The following C3orf70 variants were observed in gnomAD, a reference collection of about 807,000 sequenced individuals.
C3orf70 encodes the protein UPF0524 protein C3orf70.
A neutral mutation model predicts 20.7 loss-of-function variants in C3orf70; 15 were observed. The ratio of observed to expected loss-of-function variants is 0.72; its 90% CI spans 0.48 to 1.11. C3orf70 has a LOEUF of 1.11. C3orf70 is among the 50% of genes most tolerant of loss of function. The pLI is 0.00. For missense variants in C3orf70, 332 were observed against 317.6 expected, an observed-to-expected ratio of 1.05 and a Z score of -0.34; for synonymous variants, 161 against 125.7, an observed-to-expected ratio of 1.28 and a Z score of -1.88.
At position 185,082,657 on chromosome 3, in the gene C3orf70, A is replaced by C; in HGVS notation, c.*350T>G. ...GTGAAGGACTGGCTACCGAGAAAAC[A>C]CCGGCTCCTTCCCTTTCGGTACCTC... On this transcript the variant is annotated 3_prime_UTR_variant, in exon 2 of 2. Transcript: ENST00000335012. 4.2e-6 allele frequency: 1 copy of C among 238,526 alleles called. No individual in the cohort carries two copies. The highest frequency in any genetic ancestry group is 1.0e-4 in the East Asian group (1 of 9,808). The allele number at this position is 238,526 out of a possible 1,614,324, so 14.8% of individuals were successfully genotyped here.
chr3:185,084,457 G>A (rs565500421), intron 1 of C3orf70, among the ~76,000 whole-genome samples: 110 of 152,030 alleles, frequency 7.2e-4, no homozygotes, highest in African/African-American at 2.6e-3. Context: ...GTGGGAAATG[G>A]TTTCTCTGAG....
Position 185,083,390 on chromosome 3 carries a change from A to G in C3orf70, c.370T>C (p.Cys124Arg). The G allele has an allele frequency of 6.2e-7, 1 of 1,614,164 alleles. No homozygotes were observed. Among genetic ancestry groups the G allele is most frequent in the Non-Finnish European group, 8.5e-7 (1 of 1,180,042 alleles). ...PPLPPDSPRY[C>R]MISDLFIDNY... ...TCAATAAAAAGGTCTGAAATCATACAGTACCTCGGTGAGTCAGGGGGAAGG... is the reference window on the plus strand; with the variant it reads ...TCAATAAAAAGGTCTGAAATCATACGGTACCTCGGTGAGTCAGGGGGAAGG... Residue 124 changes from cysteine (C) to arginine (R), a missense_variant, in exon 2 of 2, where the codon TGT becomes CGT. Transcript: ENST00000335012.
chr3:185,152,610 A>G lies in C3orf70; in HGVS notation c.196+18T>C, dbSNP rs370114749. The G allele has an allele frequency of 9.7e-5, 149 of 1,534,068 alleles. No individual in the cohort carries two copies. In the African/African-American group the frequency reaches 2.0e-3, roughly 20 times the overall value. On this transcript the variant is annotated intron_variant, in intron 1 of 1. Coordinates refer to ENST00000335012, the MANE Select transcript of C3orf70 (RefSeq NM_001025266.3). Reference sequence around the variant, plus strand: ...CCCCGGACCGCGGCGGAAGGCGGGAAGACGCGGCTCGACTTACAGTGACAC... The same window carrying G: ...CCCCGGACCGCGGCGGAAGGCGGGAGGACGCGGCTCGACTTACAGTGACAC...
chr3:185,083,595 A>G (rs200268585), intron 1 of C3orf70, 32 bp from the exon 2 acceptor site: 15 of 1,517,662 alleles, frequency 9.9e-6, no homozygotes, highest in African/African-American at 2.8e-5. Context: ...CTTGAAATCT[A>G]TATTACACAA....
intron 1 of C3orf70, among the ~76,000 whole-genome samples, chr3:185,090,807 A>G (rs1715550653): frequency 6.6e-6 from 1 of 152,194 alleles, no homozygotes; most frequent in Admixed American, 6.5e-5. Flanking sequence ...ACTGGCAGTC[A>G]ATACACCAAT....
intron 1 of C3orf70, among the ~76,000 whole-genome samples, chr3:185,125,102 G>C (rs533247381): frequency 6.6e-6 from 1 of 152,092 alleles, no homozygotes; most frequent in Admixed American, 6.6e-5. Flanking sequence ...CAGTTTGGCC[G>C]GGCGCAGTGG....
intron 1 of C3orf70, among the ~76,000 whole-genome samples, chr3:185,141,563 T>TC (rs1249495196): frequency 6.6e-6 from 1 of 152,166 alleles, no homozygotes; most frequent in Non-Finnish European, 1.5e-5. Flanking sequence ...CATGGAATAC[T>TC]ACTCAGCAAT....
At chr3:185,101,573 C>A (rs1234717791) in intron 1 of C3orf70, among the ~76,000 whole-genome samples, 2 of 152,166 alleles carry the variant, frequency 1.3e-5, no homozygotes, top group African/African-American at 4.8e-5. Flanking sequence ...GGGGAGGTCT[C>A]AGGAAACTTA....
rs1252136352 is a variant in C3orf70, at chr3:185,082,904, C to A, written c.*103G>T. ...GCTACGGTTGTTGGTTGGAGCGGGG[C>A]GGGGTGGGTAGAAAATATCAACAGC... On this transcript the variant is annotated 3_prime_UTR_variant, in exon 2 of 2. Coordinates refer to ENST00000335012, the MANE Select transcript of C3orf70 (RefSeq NM_001025266.3). 7 of 1,168,142 alleles carry A rather than the reference C, an allele frequency of 6.0e-6. No individual in the cohort carries two copies. The Admixed American group carries it at 1.0e-4, about 17-fold the overall frequency. 72.4% of individuals were successfully genotyped at this position (1,168,142 alleles called of 1,614,324 possible). A position where few individuals can be genotyped will look rare whatever the true frequency, so the allele number is the denominator to read the frequency against.
At chr3:185,101,386 C>T (rs1196001860) in intron 1 of C3orf70, among the ~76,000 whole-genome samples, 2 of 152,036 alleles carry the variant, frequency 1.3e-5, no homozygotes, top group Non-Finnish European at 2.9e-5. Context: ...CATACACACA[C>T]AAATCAAAAA....
rs1280693336 is a variant in C3orf70, at chr3:185,079,997, G to A, written c.*3010C>T. The stretch of plus-strand genomic sequence containing the variant: ...CTTCACATAATATAGAACAGGCCTA[G>A]AATTTAAAGTGAAACTACAATCTGT... On this transcript the variant is annotated 3_prime_UTR_variant, in exon 2 of 2. Transcript: ENST00000335012. 1 of 152,760 alleles carries A rather than the reference G, an allele frequency of 6.5e-6. No individual in the cohort carries two copies. Among genetic ancestry groups the A allele is most frequent in the Middle Eastern group, 3.4e-3 (1 of 294 alleles). The allele number at this position is 152,760 out of a possible 1,614,324, so 9.5% of individuals were successfully genotyped here. A position where few individuals can be genotyped will look rare whatever the true frequency, so the allele number is the denominator to read the frequency against.
At chr3:185,130,367 T>C (rs1448854058) in intron 1 of C3orf70, among the ~76,000 whole-genome samples, 1 of 152,164 alleles carries the variant, frequency 6.6e-6, no homozygotes, top group Non-Finnish European at 1.5e-5. Flanking sequence ...GGCAGGAGAA[T>C]GGCATGAACC....
intron 1 of C3orf70, among the ~76,000 whole-genome samples, chr3:185,143,157 A>G (rs1408242331): frequency 1.3e-5 from 2 of 152,192 alleles, no homozygotes; most frequent in African/African-American, 2.4e-5. Context: ...TGAGACAGGC[A>G]TACTGATATA....
At position 185,083,444 on chromosome 3, in the gene C3orf70, A is replaced by G; in HGVS notation, c.316T>C (p.Leu106=). The G allele has an allele frequency of 1.2e-6, 2 of 1,614,160 alleles. No homozygotes were observed. The highest frequency in any genetic ancestry group is 8.5e-7 in the Non-Finnish European group (1 of 1,180,036). The change falls in exon 2 of 2, where the codon TTG becomes CTG. Residue 106 remains leucine (L), a synonymous_variant. Transcript: ENST00000335012. ...GGCTGGAAGACAGATGCAAATTTCA[A>G]AAAGTGTTCGGTGAGCGAGACTGAG... The part of the protein sequence containing the change: ...QISVSLTEHF[L]KFASVFQPPL...
In C3orf70 at chr3:185,077,646, A is replaced by AC. The variant is rs919679500; in HGVS notation, c.*5360dup. Reference sequence around the variant, plus strand: ...GCCCCTGAGTCTTGGTGACCAAGCGACCCCCCCAAGCTCTGCCGGGCAGCA... The same window carrying AC: ...GCCCCTGAGTCTTGGTGACCAAGCGACCCCCCCCAAGCTCTGCCGGGCAGCA... On this transcript the variant is annotated 3_prime_UTR_variant, in exon 2 of 2. Coordinates refer to ENST00000335012, the MANE Select transcript of C3orf70 (RefSeq NM_001025266.3). Among the ~76,000 whole-genome samples, 8 of 149,374 alleles carry AC rather than the reference A, an allele frequency of 5.4e-5. No individual in the cohort carries two copies. The highest frequency in any genetic ancestry group is 8.9e-5 in the Non-Finnish European group (6 of 67,312).
At chr3:185,139,301 C>A (rs573782326) in intron 1 of C3orf70, among the ~76,000 whole-genome samples, 111 of 151,980 alleles carry the variant, frequency 7.3e-4, no homozygotes, top group African/African-American at 2.7e-3. Flanking sequence ...GCCTGTAATC[C>A]CAGCACTTTG....
intron 1 of C3orf70, among the ~76,000 whole-genome samples, chr3:185,126,693 T>TG (rs905203319): frequency 3.9e-5 from 6 of 152,162 alleles, no homozygotes; most frequent in Non-Finnish European, 7.4e-5. Flanking sequence ...GAAACAATCA[T>TG]GGGGAAAAAA....
chr3:185,140,306 A>G (rs1577334525), intron 1 of C3orf70, among the ~76,000 whole-genome samples: 1 of 152,370 alleles, frequency 6.6e-6, no homozygotes, highest in East Asian at 1.9e-4. Flanking sequence ...TAAACTACAG[A>G]GAAAATATCT....
intron 1 of C3orf70, among the ~76,000 whole-genome samples, chr3:185,089,826 CAGT>C (rs147473670): frequency 0.024 from 3,668 of 152,226 alleles, 118 homozygotes; most frequent in African/African-American, 0.083. Context: ...TCAATACTGT[CAGT>C]TGTTTTTCAA....
Sources: gnomAD v4.1 joint callset for allele counts (sites outside exome capture counted in the v4.1 genomes callset) on GRCh38, gnomAD v4.1.1 for gene constraint, MANE v1.5 for transcripts, NCBI Gene and HGNC (gene_info 2026-07-23, HGNC 2026-07-21) for gene names.